The following ADARB2 variants were observed in gnomAD, a reference collection of about 807,000 sequenced individuals.
ADARB2 encodes adenosine deaminase RNA specific B2 (inactive), also known as inactive double-stranded RNA-specific editase B2.
ADARB2 carries 25 observed loss-of-function variants against 62.2 expected under a neutral mutation model. That is an observed-to-expected ratio of 0.40 (90% CI 0.29 to 0.56). The LOEUF is 0.56. Among genes scored for constraint, ADARB2 ranks in the 20% least tolerant of loss-of-function variants. The pLI is 0.43. For synonymous variants in ADARB2, 572 were observed against 500.8 expected (o/e 1.14, Z -1.90); for missense variants, 1,071 against 1,077.4 (o/e 0.99, Z 0.08).
chr10:1,585,895 G>A (rs1253709831), intron 1 of ADARB2, among the ~76,000 whole-genome samples: 3 of 152,114 alleles, frequency 2.0e-5, no homozygotes, highest in Admixed American at 1.3e-4. Context: ...CTGGCTGGGT[G>A]GGGTGGCGGG....
At chr10:1,473,554 T>C (rs1831355922) in intron 1 of ADARB2, among the ~76,000 whole-genome samples, 1 of 152,132 alleles carries the variant, frequency 6.6e-6, no homozygotes, top group Non-Finnish European at 1.5e-5. Context: ...ATTGTTTTGG[T>C]ATTTTTTGTA....
intron 3 of ADARB2, chr10:1,361,621 T>C (rs1832256260): frequency 6.6e-6 from 1 of 152,170 alleles, no homozygotes; most frequent in African/African-American, 2.4e-5. Context: ...GGTTGACAAG[T>C]GAATAGTGAG....
chr10:1,362,065 G>A (rs1298852398), intron 3 of ADARB2, among the ~76,000 whole-genome samples: 1 of 152,256 alleles, frequency 6.6e-6, no homozygotes, highest in African/African-American at 2.4e-5. Context: ...TATCAGAATA[G>A]TTTCTGACAG....
chr10:1,233,567 C>G lies in ADARB2; in HGVS notation c.1513+127G>C, dbSNP rs553177288. The G allele has an allele frequency of 6.0e-6, 6 of 1,002,374 alleles. No homozygotes were observed. The East Asian group carries it at 1.7e-4, about 28-fold the overall frequency. The allele number at this position is 1,002,374 out of a possible 1,614,324, so 62.1% of individuals were successfully genotyped here. ...TATCCCACTAATTGTAGACTCAATC[C>G]CCTTCCAGTACCCAAGGGCCCCACA... On this transcript the variant is annotated intron_variant, in intron 6 of 9. Transcript: ENST00000381312.
chr10:1,628,153 G>A (rs1411940973), intron 1 of ADARB2, among the ~76,000 whole-genome samples: 3 of 152,244 alleles, frequency 2.0e-5, no homozygotes, highest in African/African-American at 7.2e-5. Flanking sequence ...GAGAGCAAAC[G>A]GGCGGCGATG....
At chr10:1,588,035 C>T (rs992687783) in intron 1 of ADARB2, among the ~76,000 whole-genome samples, 2 of 152,118 alleles carry the variant, frequency 1.3e-5, no homozygotes, top group African/African-American at 2.4e-5. Context: ...CAGCTGAAAG[C>T]GGACTAATGC....
chr10:1,633,740 A>C (rs1431276145), intron 1 of ADARB2, among the ~76,000 whole-genome samples: 1 of 152,140 alleles, frequency 6.6e-6, no homozygotes, highest in African/African-American at 2.4e-5. Context: ...TTCACATGAA[A>C]TTTTGTCAGT....
At chr10:1,227,373 G>A (rs950976467) in intron 6 of ADARB2, among the ~76,000 whole-genome samples, 1 of 152,174 alleles carries the variant, frequency 6.6e-6, no homozygotes, top group Non-Finnish European at 1.5e-5. Flanking sequence ...GCGATGCCTC[G>A]CCCTGTTTCA....
chr10:1,211,812 C>A (rs1302270687), intron 7 of ADARB2, among the ~76,000 whole-genome samples: 2 of 152,188 alleles, frequency 1.3e-5, no homozygotes, highest in Non-Finnish European at 2.9e-5. Flanking sequence ...TAAATAATTT[C>A]AAGAGCACAA....
At chr10:1,418,033 CT>C (rs1832819916) in intron 1 of ADARB2, among the ~76,000 whole-genome samples, 1 of 152,188 alleles carries the variant, frequency 6.6e-6, no homozygotes, top group South Asian at 2.1e-4. Context: ...ACTCCACATC[CT>C]TTGCTGAGAT....
At chr10:1,568,838 CT>C (rs770133293) in intron 1 of ADARB2, among the ~76,000 whole-genome samples, 5 of 151,562 alleles carry the variant, frequency 3.3e-5, no homozygotes, top group South Asian at 2.1e-4. Context: ...ATCTATCTAT[CT>C]ATCTATGAGC....
chr10:1,543,060 C>T (rs563692560), intron 1 of ADARB2, among the ~76,000 whole-genome samples: 1 of 152,252 alleles, frequency 6.6e-6, no homozygotes, highest in South Asian at 2.1e-4. Context: ...GTTACAGCGA[C>T]GGTGCGGCTT....
intron 3 of ADARB2, among the ~76,000 whole-genome samples, chr10:1,304,849 C>T (rs1831611128): frequency 1.3e-5 from 2 of 148,858 alleles, no homozygotes; most frequent in African/African-American, 4.9e-5. Flanking sequence ...ACCCAACATA[C>T]CAGAATCTCT....
chr10:1,596,561 G>C (rs930504917), intron 1 of ADARB2, among the ~76,000 whole-genome samples: 2 of 152,226 alleles, frequency 1.3e-5, no homozygotes, highest in African/African-American at 4.8e-5. Context: ...CAGGACAGAG[G>C]CTTGCAGGAG....
intron 3 of ADARB2, among the ~76,000 whole-genome samples, chr10:1,305,785 G>C (rs920216279): frequency 6.6e-5 from 10 of 152,278 alleles, no homozygotes; most frequent in African/African-American, 2.2e-4. Context: ...CATATAAACA[G>C]AGCCAAAGAC....
chr10:1,574,373 G>A (rs549821458), intron 1 of ADARB2, among the ~76,000 whole-genome samples: 1 of 152,338 alleles, frequency 6.6e-6, no homozygotes, highest in Non-Finnish European at 1.5e-5. Context: ...GGCGAAAGGT[G>A]GAGTTTTAGG....
intron 1 of ADARB2, among the ~76,000 whole-genome samples, chr10:1,664,741 A>T (rs1290856504): frequency 1.3e-5 from 2 of 152,146 alleles, no homozygotes; most frequent in Non-Finnish European, 1.5e-5. Flanking sequence ...GCAGACGGCA[A>T]GGGGAACGTG....
chr10:1,514,178 A>AAAATATATATATATATATATAT (rs147869230), intron 1 of ADARB2, among the ~76,000 whole-genome samples: 1 of 94,158 alleles, frequency 1.1e-5, no homozygotes, highest in South Asian at 3.9e-4. Flanking sequence ...GCTGTCTCAA[A>AAAATATATATATATATATATAT]ATATATATAT....
At chr10:1,489,663 C>A (rs533829709) in intron 1 of ADARB2, among the ~76,000 whole-genome samples, 4 of 152,198 alleles carry the variant, frequency 2.6e-5, no homozygotes, top group Non-Finnish European at 4.4e-5. Context: ...GAAGACACCA[C>A]GGTTATTTCA....
Sources: gnomAD v4.1 joint callset for allele counts (sites outside exome capture counted in the v4.1 genomes callset) on GRCh38, gnomAD v4.1.1 for gene constraint, MANE v1.5 for transcripts, NCBI Gene and HGNC (gene_info 2026-07-23, HGNC 2026-07-21) for gene names.